Variants in KIF18B observed in about 807,000 individuals in gnomAD.
The protein encoded by KIF18B is kinesin-like protein KIF18B.
Under a neutral mutation model 80.9 loss-of-function variants are expected in KIF18B, and 49 were observed. That is an observed-to-expected ratio of 0.61 (90% CI 0.48 to 0.77). The LOEUF (loss-of-function observed/expected upper bound fraction) is 0.77, where lower values mean the gene tolerates loss of function less well. Ranked by LOEUF, KIF18B falls within the 30% of genes least tolerant of loss-of-function variation. The pLI, the probability that KIF18B is intolerant of heterozygous loss-of-function variation, is 0.00. For synonymous variants in KIF18B, 439 were observed against 463.9 expected, an observed-to-expected ratio of 0.95 and a Z score of 0.69; for missense variants, 994 against 1,127.7, an observed-to-expected ratio of 0.88 and a Z score of 1.70.
In KIF18B at chr17:44,928,995, T is replaced by C; in HGVS notation, c.1547A>G (p.Gln516Arg). The C allele has an allele frequency of 9.3e-6, 15 of 1,614,010 alleles. No homozygotes were observed. Among genetic ancestry groups the C allele is most frequent in the Non-Finnish European group, 1.3e-5 (15 of 1,179,884 alleles). Residue 516 changes from glutamine (Q) to arginine (R), a missense_variant, in exon 12 of 16, where the codon CAG (glutamine) becomes CGG (arginine). Coordinates refer to ENST00000593135, the MANE Select transcript of KIF18B (RefSeq NM_001265577.2). ...TGCTTGGAGCAGGGAGTACTGCCGCTGGGCAACGCACAGCACCTTTAGGGC... is the reference window on the plus strand; with the variant it reads ...TGCTTGGAGCAGGGAGTACTGCCGCCGGGCAACGCACAGCACCTTTAGGGC... ...QLALKVLCVA[Q>R]RQYSLLQAAN...
At position 44,928,965 on chromosome 17, in the gene KIF18B, T is replaced by C; in HGVS notation, c.1577A>G (p.Asn526Ser). 1 of 1,613,534 alleles carries C rather than the reference T, an allele frequency of 6.2e-7. No individual in the cohort carries two copies. The highest frequency in any genetic ancestry group is 8.5e-7 in the Non-Finnish European group (1 of 1,179,786). ...QRQYSLLQAA[N>S]LLTPDMITEF... ...TGTGATCATGTCGGGCGTCAGGAGG[T>C]TGGCTGCTTGGAGCAGGGAGTACTG... The change falls in exon 12 of 16, where the codon AAC becomes AGC. Residue 526 changes from asparagine to serine, a missense_variant. By Grantham distance (46) the Asn-to-Ser change is conservative (BLOSUM62 1). Transcript: ENST00000593135.
At chr17:44,944,709 C>T (rs752382215) in intron 1 of KIF18B, among the ~76,000 whole-genome samples, 13 of 152,156 alleles carry the variant, frequency 8.5e-5, no homozygotes, top group Non-Finnish European at 1.8e-4. Flanking sequence ...TGTGAAGATA[C>T]ATTTTAAACT....
intron 1 of KIF18B, among the ~76,000 whole-genome samples, chr17:44,947,089 A>T (rs1337217339): frequency 1.3e-5 from 1 of 75,410 alleles, no homozygotes; most frequent in Non-Finnish European, 2.3e-5. Context: ...AGCCTGGGAG[A>T]CAGAGAGAGA....
chr17:44,925,785 C>CAA lies in KIF18B; in HGVS notation c.*293_*294dup. 1 of 410,420 alleles carries CAA rather than the reference C, an allele frequency of 2.4e-6. No individual in the cohort carries two copies. Among genetic ancestry groups the CAA allele is most frequent in the Non-Finnish European group, 4.4e-6 (1 of 226,262 alleles). 25.4% of individuals were successfully genotyped at this position (410,420 alleles called of 1,614,324 possible). Reference sequence around the variant, plus strand: ...GACAGAGTAAGACTCCATCTCAAAACAAAAAAAACAAAAAACAAAAACCAC... The same window carrying CAA: ...GACAGAGTAAGACTCCATCTCAAAACAAAAAAAAAACAAAAAACAAAAACCAC... On this transcript the variant is annotated 3_prime_UTR_variant, in exon 16 of 16. Transcript: ENST00000593135.
intron 1 of KIF18B, among the ~76,000 whole-genome samples, chr17:44,943,275 ATT>A (rs1197387034): frequency 5.9e-5 from 9 of 151,460 alleles, no homozygotes; most frequent in Admixed American, 4.6e-4. Flanking sequence ...AATTTTTTGT[ATT>A]TTTTAGTAGA....
chr17:44,945,851 A>G (rs2052501827), intron 1 of KIF18B, among the ~76,000 whole-genome samples: 1 of 144,796 alleles, frequency 6.9e-6, no homozygotes, highest in African/African-American at 2.6e-5. Flanking sequence ...GGTTGCAGGG[A>G]GCTGAGGTGG....
At position 44,925,447 on chromosome 17, in the gene KIF18B, CAA is replaced by C. The variant is rs1203708120; in HGVS notation, c.*631_*632del. The C allele has an allele frequency of 5.9e-5, 8 of 134,468 alleles. No individual in the cohort carries two copies. Among genetic ancestry groups the C allele is most frequent in the East Asian group, 2.1e-4 (1 of 4,698 alleles). The allele number at this position is 134,468 out of a possible 1,614,324, so 8.3% of individuals were successfully genotyped here. ...TGGGCGACAGAGCGAGACTCCATCTCAAAAAAAAAAAAGATGGGGGAACATGG... is the reference window on the plus strand; with the variant it reads ...TGGGCGACAGAGCGAGACTCCATCTCAAAAAAAAAAGATGGGGGAACATGG... On this transcript the variant is annotated 3_prime_UTR_variant, in exon 16 of 16. Coordinates refer to ENST00000593135, the MANE Select transcript of KIF18B (RefSeq NM_001265577.2).
At chr17:44,935,595 C>T (rs957214310) in intron 2 of KIF18B, among the ~76,000 whole-genome samples, 179 bp from the exon 3 acceptor site, 1 of 152,160 alleles carries the variant, frequency 6.6e-6, no homozygotes, top group Non-Finnish European at 1.5e-5. Context: ...GTTCTGTTCC[C>T]CCATAGGCCA....
rs183876562 is a variant in KIF18B at position 44,928,464 on chromosome 17, G to T, written c.1838C>A (p.Pro613His). Residue 613 changes from proline (P) to histidine (H), a missense_variant, in exon 13 of 16, where the codon CCC (proline) becomes CAC (histidine). Coordinates refer to ENST00000593135, the MANE Select transcript of KIF18B (RefSeq NM_001265577.2). Reference sequence around the variant, plus strand: ...GGACCCCTGGGCTGGGGTGCAGTTGGGTCCAGGCGGGATTCCCAGGGTGTG... The same window carrying T: ...GGACCCCTGGGCTGGGGTGCAGTTGTGTCCAGGCGGGATTCCCAGGGTGTG... ...PLHTLGIPPGPNCTPAQGSRW... is the reference protein window; with the variant it reads ...PLHTLGIPPGHNCTPAQGSRW... 6.5e-7 allele frequency: 1 copy of T among 1,530,308 alleles called. No individual in the cohort carries two copies. Among genetic ancestry groups the T allele is most frequent in the Admixed American group, 2.0e-5 (1 of 49,830 alleles). 94.8% of individuals were successfully genotyped at this position (1,530,308 alleles called of 1,614,324 possible). A position where few individuals can be genotyped will look rare whatever the true frequency, so the allele number is the denominator to read the frequency against.
At position 44,927,796 on chromosome 17, in the gene KIF18B, C is replaced by T. The variant is rs941708430; in HGVS notation, c.2276+230G>A. ...CTCATGAGCATGCTACAAACCAGCA[C>T]AGAGTGGGTGGCTTTGCAGCATGGA... is the stretch of plus-strand genomic sequence containing the variant. On this transcript the variant is annotated intron_variant, in intron 13 of 15. Coordinates refer to ENST00000593135, the MANE Select transcript of KIF18B (RefSeq NM_001265577.2). The surrounding 1 kb of genome is among the most constrained non-coding windows in gnomAD (Gnocchi z 4.1). Among the ~76,000 whole-genome samples the T allele has an allele frequency of 2.0e-5, 3 of 152,212 alleles. No individual in the cohort carries two copies. Among genetic ancestry groups the T allele is most frequent in the African/African-American group, 7.2e-5 (3 of 41,458 alleles).
At chr17:44,926,855 C>A (rs1390252714) in intron 14 of KIF18B, 134 bp downstream of exon 14, 4 of 763,506 alleles carry the variant, frequency 5.2e-6, no homozygotes, top group Non-Finnish European at 8.7e-6. Flanking sequence ...GCGGGCCCTG[C>A]TCACAGGACC....
rs769124652 is a variant in KIF18B, at chr17:44,934,096, G to A, written c.889C>T (p.Arg297Cys). The A allele has an allele frequency of 8.1e-6, 13 of 1,611,986 alleles. No homozygotes were observed. Among genetic ancestry groups the A allele is most frequent in the South Asian group, 3.3e-5 (3 of 90,706 alleles). ...VLNALADAKG[R>C]KTHVPYRDSK... ...TCCCGGTAGGGCACATGGGTCTTGC[G>A]GCCCTGGGGGGCAGTAAGCAGGTGT... The change falls in exon 7 of 16, where the codon CGC (arginine) becomes TGC (cysteine). Residue 297 changes from arginine to cysteine, a missense_variant. Coordinates refer to ENST00000593135, the MANE Select transcript of KIF18B (RefSeq NM_001265577.2). The surrounding 1 kb of genome is among the most constrained non-coding windows in gnomAD (Gnocchi z 5.4).
Position 44,935,433 on chromosome 17 carries a change from AAGG to A in KIF18B, c.314-20_314-18del, listed in dbSNP as rs1384211491. 11 of 1,582,046 alleles carry A rather than the reference AAGG, an allele frequency of 7.0e-6. No individual in the cohort carries two copies. Among genetic ancestry groups the A allele is most frequent in the Non-Finnish European group, 9.5e-6 (11 of 1,161,506 alleles). ...AGGCAAACACTGCAGAGGACATAGT[AAGG>A]AGGAGGACCCCAGTGCCTTGCCACC... On this transcript the variant is annotated intron_variant, in intron 2 of 15. Coordinates refer to ENST00000593135, the MANE Select transcript of KIF18B (RefSeq NM_001265577.2).
At position 44,928,868 on chromosome 17, in the gene KIF18B, T is replaced by A; in HGVS notation, c.1674A>T (p.Ser558=). 1 of 1,613,872 alleles carries A rather than the reference T, an allele frequency of 6.2e-7. No individual in the cohort carries two copies. The highest frequency in any genetic ancestry group is 1.3e-5 in the African/African-American group (1 of 75,020). Residue 558 remains serine, a synonymous_variant, in exon 12 of 16, where the codon TCA becomes TCT. Transcript: ENST00000593135. ...IEPGAEALRT[S]GLARGAPLAQ... ...CCAGAGGTGCCCCCCTGGCCAGGCC[T>A]GAAGTCCTCAAGGCCTCTGCCCCAG...
chr17:44,936,645 T>A (rs1483941642), intron 1 of KIF18B, among the ~76,000 whole-genome samples: 4 of 84,606 alleles, frequency 4.7e-5, no homozygotes, highest in African/African-American at 1.5e-4. Flanking sequence ...TTTTTTTTTT[T>A]TTTTTTTTTT....
intron 1 of KIF18B, among the ~76,000 whole-genome samples, chr17:44,946,220 T>C (rs2052510477): frequency 6.6e-6 from 1 of 152,264 alleles, no homozygotes. Flanking sequence ...GATACTTTTT[T>C]TAACTTCTAT....
At chr17:44,943,112 T>G (rs1046705720) in intron 1 of KIF18B, among the ~76,000 whole-genome samples, 8 of 152,172 alleles carry the variant, frequency 5.3e-5, no homozygotes, top group Admixed American at 4.6e-4. Flanking sequence ...TTTTTGTTTT[T>G]TTTTTGAGGG....
intron 1 of KIF18B, among the ~76,000 whole-genome samples, chr17:44,939,284 C>T (rs2052369957): frequency 7.1e-6 from 1 of 141,036 alleles, no homozygotes. Flanking sequence ...GGTAGGAGAA[C>T]CGCTTGAACT....
At position 44,934,938 on chromosome 17, in the gene KIF18B, G is replaced by A. The variant is rs934251030; in HGVS notation, c.472-3C>T. The A allele has an allele frequency of 2.0e-6, 3 of 1,521,502 alleles. No individual in the cohort carries two copies. Among genetic ancestry groups the A allele is most frequent in the Non-Finnish European group, 2.7e-6 (3 of 1,122,928 alleles). The allele number at this position is 1,521,502 out of a possible 1,614,324, so 94.3% of individuals were successfully genotyped here. On this transcript the variant is annotated splice_region_variant and splice_polypyrimidine_tract_variant and intron_variant, in intron 3 of 15. Transcript: ENST00000593135. The surrounding 1 kb of genome is among the most constrained non-coding windows in gnomAD (Gnocchi z 5.4). ...TCATGGATCTGTTCATTATACACCT[G>A]AGAAAGGAAGAAAGGAAGAGGCCTG...
Sources: gnomAD v4.1 joint callset for allele counts (sites outside exome capture counted in the v4.1 genomes callset) on GRCh38, gnomAD v4.1.1 for gene constraint, Gnocchi (gnomAD v3.1) non-coding constraint, MANE v1.5 for transcripts, NCBI Gene and HGNC (gene_info 2026-07-23, HGNC 2026-07-21) for gene names.